The following SCCPDH variants were observed in gnomAD, a reference collection of about 807,000 sequenced individuals.
SCCPDH encodes saccharopine dehydrogenase-like oxidoreductase.
Under a neutral mutation model 51.5 loss-of-function variants are expected in SCCPDH, and 34 were observed. The ratio of observed to expected loss-of-function variants is 0.66; its 90% CI spans 0.50 to 0.88. The LOEUF is 0.88. Among genes scored for constraint, SCCPDH ranks in the 40% least tolerant of loss-of-function variants. The probability of loss-of-function intolerance (pLI) is 0.00; values close to 1 mark genes in which losing one functional copy is unlikely to be tolerated. For synonymous variants in SCCPDH, 187 were observed against 191.3 expected, an observed-to-expected ratio of 0.98 and a Z score of 0.19; for missense variants, 464 against 527.1, an observed-to-expected ratio of 0.88 and a Z score of 1.17.
rs1668963322 is a variant in SCCPDH at position 246,758,431 on chromosome 1, A to G, written c.695+75A>G. The G allele has an allele frequency of 2.7e-5, 30 of 1,108,880 alleles. No individual in the cohort carries two copies. The South Asian group carries it at 4.6e-4, about 17-fold the overall frequency. The allele number at this position is 1,108,880 out of a possible 1,614,324, so 68.7% of individuals were successfully genotyped here. ...TTGTTGGGTTGGCTATTAATAAAGT[A>G]TGTTACTAAGAAAAGCTTGGAGACT... On this transcript the variant is annotated intron_variant, in intron 6 of 11. Transcript: ENST00000366510.
intron 3 of SCCPDH, among the ~76,000 whole-genome samples, chr1:246,737,171 A>G (rs1198613605): frequency 6.6e-6 from 1 of 151,896 alleles, no homozygotes; most frequent in Non-Finnish European, 1.5e-5. Flanking sequence ...AATTGGTAAA[A>G]TACTGGAAAA....
chr1:246,727,978 GT>G (rs1217863880), intron 2 of SCCPDH, among the ~76,000 whole-genome samples: 1 of 152,166 alleles, frequency 6.6e-6, no homozygotes, highest in Non-Finnish European at 1.5e-5. Context: ...TGGCTTCTGA[GT>G]GGAAAAGTAG....
At chr1:246,740,459 T>A (rs1206151718) in intron 4 of SCCPDH, among the ~76,000 whole-genome samples, 158 bp downstream of exon 4, 1 of 152,240 alleles carries the variant, frequency 6.6e-6, no homozygotes, top group African/African-American at 2.4e-5. Flanking sequence ...GCTGCACTTT[T>A]AATAAAATGC....
intron 5 of SCCPDH, chr1:246,755,933 A>G (rs995917456): frequency 1.3e-5 from 2 of 152,192 alleles, no homozygotes; most frequent in African/African-American, 4.8e-5. Flanking sequence ...ACAATTGAGT[A>G]TCTACTTGGA....
At chr1:246,749,125 G>A (rs533474314) in intron 5 of SCCPDH, among the ~76,000 whole-genome samples, 92 of 152,262 alleles carry the variant, frequency 6.0e-4, no homozygotes, top group African/African-American at 1.6e-3. Flanking sequence ...TCATCGCCTC[G>A]GCTGTAGGGT....
In SCCPDH at chr1:246,724,506, C is replaced by G; in HGVS notation, c.84C>G (p.Ala28=). 1.3e-6 allele frequency: 2 copies of G among 1,573,870 alleles called. No homozygotes were observed. The highest frequency in any genetic ancestry group is 1.7e-6 in the Non-Finnish European group (2 of 1,163,176). The change falls in exon 1 of 12, where the codon GCC becomes GCG. Residue 28 remains alanine, a synonymous_variant. Coordinates refer to ENST00000366510, the MANE Select transcript of SCCPDH (RefSeq NM_016002.3). ...GCCAGTTCGTGACCGAGGAGGTGGC[C>G]CGGGAGCAGGTGGACCCGGAGCGGA... The part of the protein sequence containing the change: ...FTGQFVTEEV[A]REQVDPERSS...
At chr1:246,753,940 C>A (rs1020901495) in intron 5 of SCCPDH, among the ~76,000 whole-genome samples, 1 of 151,782 alleles carries the variant, frequency 6.6e-6, no homozygotes, top group Non-Finnish European at 1.5e-5. Flanking sequence ...TTTCATTATC[C>A]TTCTAGTATT....
intron 2 of SCCPDH, among the ~76,000 whole-genome samples, chr1:246,732,908 C>T (rs1335435537): frequency 6.6e-6 from 1 of 152,162 alleles, no homozygotes; most frequent in African/African-American, 2.4e-5. Flanking sequence ...CAGGGTCACA[C>T]AGCTAGTGGC....
At chr1:246,729,110 C>G (rs1385597227) in intron 2 of SCCPDH, among the ~76,000 whole-genome samples, 1 of 152,112 alleles carries the variant, frequency 6.6e-6, no homozygotes, top group Non-Finnish European at 1.5e-5. Flanking sequence ...TCACAGAGAT[C>G]ACATGCTTCA....
Position 246,724,604 on chromosome 1 carries a change from T to C in SCCPDH, c.182T>C (p.Leu61Pro). 6.7e-7 allele frequency: 1 copy of C among 1,498,716 alleles called. No individual in the cohort carries two copies. Among genetic ancestry groups the C allele is most frequent in the Admixed American group, 2.3e-5 (1 of 43,334 alleles). 92.8% of individuals were successfully genotyped at this position (1,498,716 alleles called of 1,614,324 possible). ...CAGCGGGTGCTGGAGAAGGCGGCCC[T>C]GAAGCTGGGTACAGCGGCGGGGCGG... is the stretch of plus-strand genomic sequence containing the variant. The part of the protein sequence containing the change: ...KLQRVLEKAA[L>P]KLGRPTLSSE... The change falls in exon 1 of 12, where the codon CTG becomes CCG. Residue 61 changes from leucine (L) to proline (P), a missense_variant. Physicochemically the swap from Leu to Pro is moderately conservative, Grantham distance 98 (BLOSUM62 -3). Transcript: ENST00000366510.
At chr1:246,756,143 G>C (rs1413451246) in intron 5 of SCCPDH, among the ~76,000 whole-genome samples, 1 of 152,178 alleles carries the variant, frequency 6.6e-6, no homozygotes. Flanking sequence ...CAAAAGGCTA[G>C]CTGCAATGTA....
intron 5 of SCCPDH, among the ~76,000 whole-genome samples, chr1:246,749,003 C>T (rs1668811281): frequency 6.6e-6 from 1 of 152,220 alleles, no homozygotes; most frequent in Non-Finnish European, 1.5e-5. Context: ...TTCCGTCTGC[C>T]GTGAAAGGCA....
chr1:246,733,331 C>G (rs181680283), intron 2 of SCCPDH, among the ~76,000 whole-genome samples: 1 of 152,142 alleles, frequency 6.6e-6, no homozygotes, highest in East Asian at 1.9e-4. Context: ...AAGTGATTCA[C>G]TCACCTTGGC....
At chr1:246,737,936 C>T (rs1338661866) in intron 3 of SCCPDH, among the ~76,000 whole-genome samples, 1 of 152,086 alleles carries the variant, frequency 6.6e-6, no homozygotes, top group East Asian at 2.0e-4. Flanking sequence ...TGGCTCATAC[C>T]TGTAATCTCA....
chr1:246,746,189 A>T (rs1668758815), intron 5 of SCCPDH, among the ~76,000 whole-genome samples: 1 of 150,980 alleles, frequency 6.6e-6, no homozygotes, highest in Admixed American at 6.6e-5. Flanking sequence ...CCAACAACTG[A>T]GCTCCCCGAG....
At chr1:246,726,169 A>G (rs1668397124) in intron 1 of SCCPDH, among the ~76,000 whole-genome samples, 1 of 152,058 alleles carries the variant, frequency 6.6e-6, no homozygotes, top group South Asian at 2.1e-4. Flanking sequence ...GATGGTTTTG[A>G]TGTTAACAGT....
At chr1:246,759,305 A>G (rs1025859197) in intron 7 of SCCPDH, among the ~76,000 whole-genome samples, 154 bp downstream of exon 7, 2 of 152,200 alleles carry the variant, frequency 1.3e-5, no homozygotes, top group Non-Finnish European at 2.9e-5. Context: ...AGGGTAGAAC[A>G]TTTTGTATTT....
chr1:246,733,528 A>G (rs1487821426), intron 2 of SCCPDH, among the ~76,000 whole-genome samples: 2 of 151,658 alleles, frequency 1.3e-5, no homozygotes, highest in East Asian at 3.9e-4. Context: ...TTTCTTAGAG[A>G]AATGGGGTCT....
intron 2 of SCCPDH, among the ~76,000 whole-genome samples, chr1:246,731,048 G>A (rs1164652832): frequency 6.6e-6 from 1 of 152,160 alleles, no homozygotes; most frequent in Non-Finnish European, 1.5e-5. Flanking sequence ...CAGCAAGAAT[G>A]AAACTCCAGC....
Sources: gnomAD v4.1 joint callset for allele counts (sites outside exome capture counted in the v4.1 genomes callset) on GRCh38, gnomAD v4.1.1 for gene constraint, MANE v1.5 for transcripts, NCBI Gene and HGNC (gene_info 2026-07-23, HGNC 2026-07-21) for gene names.